Variants in TRIM49C observed in about 807,000 individuals in gnomAD.
The protein encoded by TRIM49C is tripartite motif-containing protein 49C.
TRIM49C carries 6 observed loss-of-function variants against 21.4 expected under a neutral mutation model. That is an observed-to-expected ratio of 0.28 (90% CI 0.15 to 0.55). The LOEUF (loss-of-function observed/expected upper bound fraction) is 0.55. TRIM49C is among the 20% of genes least tolerant of loss of function. The pLI is 0.94. For synonymous variants in TRIM49C, 57 were observed against 148.1 expected, an observed-to-expected ratio of 0.38 and a Z score of 4.47; for missense variants, 161 against 442.4, an observed-to-expected ratio of 0.36 and a Z score of 5.71.
chr11:90,067,684 A>C, the TRIM49C span, among the ~76,000 whole-genome samples: 1 of 141,204 alleles, frequency 7.1e-6, no homozygotes, highest in Non-Finnish European at 1.5e-5. Context: ...AGAAGCCTTA[A>C]TGATAATATT....
At chr11:90,054,134 C>T in the TRIM49C span, among the ~76,000 whole-genome samples, 356 of 134,908 alleles carry the variant, frequency 2.6e-3, 6 homozygotes, top group African/African-American at 8.8e-3. Context: ...ATCTCAAATA[C>T]GGACTTTAAA....
chr11:90,046,413 C>T (rs1950801983), downstream of TRIM49C, among the ~76,000 whole-genome samples: 1 of 126,620 alleles, frequency 7.9e-6, no homozygotes, highest in Non-Finnish European at 1.6e-5. Flanking sequence ...TGGACCCGGA[C>T]TTTATTTGGT....
At chr11:90,071,934 A>G in the TRIM49C span, 2 of 425,426 alleles carry the variant, frequency 4.7e-6, no homozygotes, top group Non-Finnish European at 8.6e-6. Flanking sequence ...TAGTTTCACT[A>G]TCATCAAACA....
chr11:90,053,065 G>T, the TRIM49C span, among the ~76,000 whole-genome samples: 3 of 139,930 alleles, frequency 2.1e-5, no homozygotes, highest in African/African-American at 7.7e-5. Flanking sequence ...TGGGCCAGCG[G>T]CATCAGCCTC....
chr11:90,065,953 C>G, the TRIM49C span, among the ~76,000 whole-genome samples: 1 of 131,748 alleles, frequency 7.6e-6, no homozygotes, highest in Non-Finnish European at 1.6e-5. Flanking sequence ...GAGACTCTGT[C>G]TCAAAAGAAA....
At chr11:90,057,137 GATTTT>G in the TRIM49C span, among the ~76,000 whole-genome samples, 2 of 134,070 alleles carry the variant, frequency 1.5e-5, no homozygotes, top group Non-Finnish European at 3.1e-5. Flanking sequence ...TATGTTGTAT[GATTTT>G]ATTTACCCGA....
downstream of TRIM49C, among the ~76,000 whole-genome samples, chr11:90,042,642 T>C (rs1950778447): frequency 2.5e-5 from 3 of 119,798 alleles, no homozygotes; most frequent in Non-Finnish European, 5.1e-5. Flanking sequence ...ATATTGTGTG[T>C]TGTCAAAGAT....
chr11:90,054,997 C>A, the TRIM49C span, among the ~76,000 whole-genome samples: 3 of 149,542 alleles, frequency 2.0e-5, 1 homozygote, highest in Admixed American at 2.0e-4. Flanking sequence ...AGAGTTCTAG[C>A]ATCAACAGAA....
Position 90,041,298 on chromosome 11 carries a change from G to A in TRIM49C, c.1107G>A (p.Glu369=). The A allele has an allele frequency of 6.3e-7, 1 of 1,589,670 alleles. No homozygotes were observed. Among genetic ancestry groups the A allele is most frequent in the South Asian group, 1.1e-5 (1 of 88,366 alleles). The part of the protein sequence containing the change: ...NMYRKEKNQN[E]KIDGKEGLFL... Reference sequence around the variant, plus strand: ...ATCGGAAGGAGAAGAATCAGAATGAGAAGATAGATGGAAAGGAGGGACTCT... The same window carrying A: ...ATCGGAAGGAGAAGAATCAGAATGAAAAGATAGATGGAAAGGAGGGACTCT... Residue 369 remains glutamate (E), a synonymous_variant, in exon 8 of 8, where the codon GAG becomes GAA. Coordinates refer to ENST00000448984, the MANE Select transcript of TRIM49C (RefSeq NM_001195234.1).
chr11:90,041,027 T>G, intron 7 of TRIM49C, 24 bp from the exon 8 acceptor site: 6 of 1,461,962 alleles, frequency 4.1e-6, no homozygotes, highest in Non-Finnish European at 5.4e-6. Context: ...TATGCATGTT[T>G]TCTTTTTTTT....
chr11:90,062,620 G>T, the TRIM49C span: 2 of 1,481,368 alleles, frequency 1.4e-6, no homozygotes. Context: ...CATCCTATTG[G>T]GCTGTGGCTG....
chr11:90,036,010 C>G (rs1454363417), intron 4 of TRIM49C, 27 bp downstream of exon 4: 1 of 545,714 alleles, frequency 1.8e-6, no homozygotes, highest in African/African-American at 3.8e-5. Flanking sequence ...TCTACCTTCT[C>G]CAGGAACTTA....
At chr11:90,073,331 T>A in the TRIM49C span, 1 of 788,076 alleles carries the variant, frequency 1.3e-6, no homozygotes, top group South Asian at 1.5e-5. Context: ...CATATGGAAT[T>A]ACCCAGCTGG....
chr11:90,036,127 G>A lies in TRIM49C; in HGVS notation c.507+144G>A. ...CGAGAGAAAACATTGAGAAAAAGTGGCCTCATTTTTATACAGAATAGTATG... is the reference window on the plus strand; with the variant it reads ...CGAGAGAAAACATTGAGAAAAAGTGACCTCATTTTTATACAGAATAGTATG... On this transcript the variant is annotated intron_variant, in intron 4 of 7. Transcript: ENST00000448984. 4 of 1,138,798 alleles carry A rather than the reference G, an allele frequency of 3.5e-6. 2 individuals are homozygous for A. The highest frequency in any genetic ancestry group is 4.6e-6 in the Non-Finnish European group (4 of 878,978). 70.5% of individuals were successfully genotyped at this position (1,138,798 alleles called of 1,614,324 possible).
chr11:90,032,319 G>T (rs1276690047), intron 1 of TRIM49C, 78 bp from the exon 2 acceptor site: 1 of 130,886 alleles, frequency 7.6e-6, no homozygotes, highest in African/African-American at 2.9e-5. Flanking sequence ...TCTAAATACT[G>T]CATAAACCTA....
the TRIM49C span, among the ~76,000 whole-genome samples, chr11:90,056,617 GA>G: frequency 1.0e-5 from 1 of 95,614 alleles, no homozygotes; most frequent in Non-Finnish European, 2.1e-5. Context: ...GTACATTTTG[GA>G]AAAGTTTCTC....
the TRIM49C span, among the ~76,000 whole-genome samples, chr11:90,066,685 C>A: frequency 1.7e-5 from 2 of 120,940 alleles, 1 homozygote; most frequent in Non-Finnish European, 3.4e-5. Context: ...TGATACTTTA[C>A]ATATATATGT....
chr11:90,062,388 T>A, the TRIM49C span, among the ~76,000 whole-genome samples: 2 of 138,306 alleles, frequency 1.4e-5, no homozygotes, highest in African/African-American at 2.8e-5. Context: ...TAAGGAAACC[T>A]CCTTTAGCGA....
chr11:90,056,462 C>A, the TRIM49C span, among the ~76,000 whole-genome samples: 7 of 97,552 alleles, frequency 7.2e-5, no homozygotes, highest in African/African-American at 1.1e-4. Context: ...AAACCTAAGA[C>A]AATTGAAATC....
Sources: allele counts gnomAD v4.1 joint callset (sites outside exome capture counted in the v4.1 genomes callset), GRCh38; gene constraint gnomAD v4.1.1; transcripts MANE v1.5; gene names NCBI Gene and HGNC (gene_info 2026-07-23, HGNC 2026-07-21).